DPP10: variants seen among roughly 807,000 people sequenced by gnomAD.
The protein encoded by DPP10 is dipeptidyl peptidase like 10, also known as inactive dipeptidyl peptidase 10.
Under a neutral mutation model 120.9 loss-of-function variants are expected in DPP10, and 33 were observed. The observed-to-expected ratio is 0.27, with a 90% CI of 0.21 to 0.37. The LOEUF (loss-of-function observed/expected upper bound fraction) is 0.37. DPP10 is among the 10% of genes least tolerant of loss of function. The probability of loss-of-function intolerance (pLI) is 1.00; values close to 1 mark genes in which losing one functional copy is unlikely to be tolerated. For missense variants in DPP10, 816 were observed against 942.8 expected, an observed-to-expected ratio of 0.87 and a Z score of 1.76; for synonymous variants, 337 against 326.1, an observed-to-expected ratio of 1.03 and a Z score of -0.36.
At chr2:115,168,817 T>G (rs2053098890) in intron 1 of DPP10, among the ~76,000 whole-genome samples, 1 of 152,150 alleles carries the variant, frequency 6.6e-6, no homozygotes, top group African/African-American at 2.4e-5. Flanking sequence ...TCCTAAATTC[T>G]TAGAATCTCA....
chr2:115,042,981 G>A (rs111730546), intron 1 of DPP10, among the ~76,000 whole-genome samples: 9 of 152,264 alleles, frequency 5.9e-5, no homozygotes, highest in East Asian at 1.9e-4. Context: ...CAGCAATGGC[G>A]TATGCAAAAT....
intron 1 of DPP10, among the ~76,000 whole-genome samples, chr2:114,715,592 T>TA (rs199764961): frequency 3.8e-4 from 57 of 150,528 alleles, no homozygotes; most frequent in Non-Finnish European, 4.7e-4. Context: ...CTCCCTGAAA[T>TA]AAAAAAAAAG....
chr2:115,676,377 G>A (rs1455596966), intron 5 of DPP10, among the ~76,000 whole-genome samples: 1 of 152,088 alleles, frequency 6.6e-6, no homozygotes, highest in Non-Finnish European at 1.5e-5. Context: ...TAGAGAAAAA[G>A]ATCTTTCCCT....
chr2:114,636,086 A>G (rs1329457465), intron 1 of DPP10, among the ~76,000 whole-genome samples: 1 of 151,970 alleles, frequency 6.6e-6, no homozygotes, highest in African/African-American at 2.4e-5. Flanking sequence ...GTGTCTGCTG[A>G]GTACTTGAGT....
In DPP10 at chr2:115,146,994, C is replaced by T. The variant is rs1014545547; in HGVS notation, c.61-162245C>T. Among the ~76,000 whole-genome samples, 45 of 152,112 alleles carry T rather than the reference C, an allele frequency of 3.0e-4. 1 individual carries two copies. The highest frequency in any genetic ancestry group is 7.2e-4 in the African/African-American group (30 of 41,504). On this transcript the variant is annotated intron_variant, in intron 1 of 25. Coordinates refer to ENST00000410059, the MANE Select transcript of DPP10 (RefSeq NM_020868.6). ...TTATGACATTTTTGTTATAACAGTGCATAGGGACTAAGATATACTTTGTGC... is the reference window on the plus strand; with the variant it reads ...TTATGACATTTTTGTTATAACAGTGTATAGGGACTAAGATATACTTTGTGC...
chr2:115,668,953 A>T (rs1262122262), intron 5 of DPP10, among the ~76,000 whole-genome samples: 1 of 152,116 alleles, frequency 6.6e-6, no homozygotes, highest in East Asian at 1.9e-4. Flanking sequence ...CTTATTTAAT[A>T]ATCTGTGCCC....
intron 1 of DPP10, among the ~76,000 whole-genome samples, chr2:115,017,851 T>C (rs1260457774): frequency 3.1e-5 from 4 of 127,670 alleles, no homozygotes; most frequent in Admixed American, 2.5e-4. Context: ...CAGGGCCTGT[T>C]GTGGGGTGGG....
chr2:114,706,321 A>C (rs1168794813), intron 1 of DPP10, among the ~76,000 whole-genome samples: 2 of 152,334 alleles, frequency 1.3e-5, no homozygotes, highest in African/African-American at 4.8e-5. Flanking sequence ...TGCTGAAATA[A>C]ATGACCAAAA....
At chr2:114,747,257 A>G (rs1430812666) in intron 1 of DPP10, among the ~76,000 whole-genome samples, 1 of 152,190 alleles carries the variant, frequency 6.6e-6, no homozygotes, top group African/African-American at 2.4e-5. Flanking sequence ...CTTTAAGAAT[A>G]ATAAACTGTT....
At chr2:115,184,914 G>A (rs2054327961) in intron 1 of DPP10, among the ~76,000 whole-genome samples, 1 of 152,182 alleles carries the variant, frequency 6.6e-6, no homozygotes. Context: ...AATGCATAAT[G>A]TGAGAGTCAA....
At chr2:115,309,133 A>T (rs1237752501) in intron 1 of DPP10, 106 bp from the exon 2 acceptor site, 9 of 800,226 alleles carry the variant, frequency 1.1e-5, no homozygotes, top group Non-Finnish European at 1.8e-5. Context: ...AATGGATTCT[A>T]ATCAGCTTTC....
At chr2:114,451,453 T>G (rs1469881752) in intron 1 of DPP10, among the ~76,000 whole-genome samples, 1 of 152,066 alleles carries the variant, frequency 6.6e-6, no homozygotes, top group Non-Finnish European at 1.5e-5. Flanking sequence ...ATACTTAGGT[T>G]TGTCGTTGGT....
chr2:114,684,673 A>G (rs1488480939), intron 1 of DPP10, among the ~76,000 whole-genome samples: 2 of 151,978 alleles, frequency 1.3e-5, no homozygotes, highest in Non-Finnish European at 2.9e-5. Context: ...ATTTTGCCGG[A>G]TGAGTCTGGT....
chr2:115,422,350 T>G (rs1474264578), intron 3 of DPP10, among the ~76,000 whole-genome samples: 1 of 152,234 alleles, frequency 6.6e-6, no homozygotes, highest in Non-Finnish European at 1.5e-5. Context: ...CTGGGAAGTT[T>G]TAGAAGTTAT....
intron 5 of DPP10, among the ~76,000 whole-genome samples, chr2:115,670,930 T>A (rs2089826173): frequency 6.6e-6 from 1 of 152,148 alleles, no homozygotes; most frequent in African/African-American, 2.4e-5. Context: ...TGAGTTTTCA[T>A]GTTTTAGAGA....
At chr2:115,828,453 T>G (rs181456849) in intron 21 of DPP10, among the ~76,000 whole-genome samples, 1 of 152,168 alleles carries the variant, frequency 6.6e-6, no homozygotes, top group Non-Finnish European at 1.5e-5. Flanking sequence ...ATTTCAAATA[T>G]TTTTTGTTGT....
At chr2:115,826,960 T>G (rs927427348) in intron 21 of DPP10, among the ~76,000 whole-genome samples, 3 of 152,150 alleles carry the variant, frequency 2.0e-5, no homozygotes, top group African/African-American at 7.2e-5. Context: ...TTTTAAATAA[T>G]GTATTTAGCT....
intron 1 of DPP10, chr2:115,161,878 A>G: frequency 7.7e-7 from 1 of 1,297,464 alleles, no homozygotes; most frequent in South Asian, 1.6e-5. Context: ...GGCGCCCGTG[A>G]CCTGCGAACG....
At chr2:114,550,090 T>A (rs563099986) in intron 1 of DPP10, among the ~76,000 whole-genome samples, 58 of 152,340 alleles carry the variant, frequency 3.8e-4, no homozygotes, top group African/African-American at 1.3e-3. Context: ...GCCCTGTCTA[T>A]TGCCACTGCC....
Sources: allele counts gnomAD v4.1 joint callset (sites outside exome capture counted in the v4.1 genomes callset), GRCh38; gene constraint gnomAD v4.1.1; transcripts MANE v1.5; gene names NCBI Gene and HGNC (gene_info 2026-07-23, HGNC 2026-07-21).